OGDH: variants seen among roughly 807,000 people sequenced by gnomAD.
The protein encoded by OGDH is oxoglutarate dehydrogenase, also known as 2-oxoglutarate dehydrogenase complex component E1.
OGDH carries 38 observed loss-of-function variants against 116.6 expected under a neutral mutation model. The ratio of observed to expected loss-of-function variants is 0.33; its 90% CI spans 0.25 to 0.43. The LOEUF (loss-of-function observed/expected upper bound fraction) is 0.43, where lower values mean the gene tolerates loss of function less well. Among genes scored for constraint, OGDH ranks in the 20% least tolerant of loss-of-function variants. The probability of loss-of-function intolerance (pLI) is 1.00; values close to 1 mark genes in which losing one functional copy is unlikely to be tolerated. For missense variants in OGDH, 825 were observed against 1,357.2 expected, an observed-to-expected ratio of 0.61 and a Z score of 6.16; for synonymous variants, 488 against 533.3, an observed-to-expected ratio of 0.92 and a Z score of 1.17.
In OGDH at chr7:44,643,417, GA is replaced by G. The variant is rs907405104; in HGVS notation, c.223-1901del. On this transcript the variant is annotated intron_variant, in intron 2 of 22. Coordinates refer to ENST00000222673, the MANE Select transcript of OGDH (RefSeq NM_002541.4). ...ATTCTACAAAAAAGAAAAAGGGAAGGAAAAAAAAAGTATTCCACAAAACTCC... is the reference window on the plus strand; with the variant it reads ...ATTCTACAAAAAAGAAAAAGGGAAGGAAAAAAAAGTATTCCACAAAACTCC... Among the ~76,000 whole-genome samples, 53 of 151,286 alleles carry G rather than the reference GA, an allele frequency of 3.5e-4. No homozygotes were observed. The South Asian group carries it at 9.4e-3, about 27-fold the overall frequency.
chr7:44,659,022 AGGT>A (rs1326386547), intron 4 of OGDH, among the ~76,000 whole-genome samples: 2 of 152,046 alleles, frequency 1.3e-5, no homozygotes, highest in African/African-American at 4.8e-5. Flanking sequence ...CTTTTAGTAG[AGGT>A]GGGGGTTTCA....
chr7:44,630,483 G>A (rs977241594), intron 2 of OGDH, among the ~76,000 whole-genome samples: 1 of 152,248 alleles, frequency 6.6e-6, no homozygotes, highest in African/African-American at 2.4e-5. Flanking sequence ...GGCAATGCCA[G>A]TTGGGTGGTT....
chr7:44,659,343 G>T (rs931951323), intron 4 of OGDH, among the ~76,000 whole-genome samples: 48 of 152,214 alleles, frequency 3.2e-4, no homozygotes, highest in African/African-American at 1.1e-3. Context: ...ATTGATGAGG[G>T]ATATTGGTCA....
At chr7:44,699,896 A>G (rs1235537720) in intron 18 of OGDH, among the ~76,000 whole-genome samples, 1 of 152,062 alleles carries the variant, frequency 6.6e-6, no homozygotes, top group Admixed American at 6.6e-5. Flanking sequence ...GAGAGGGGCC[A>G]CACACTTTCA....
At chr7:44,615,554 T>C (rs1438706758) in intron 1 of OGDH, among the ~76,000 whole-genome samples, 1 of 152,220 alleles carries the variant, frequency 6.6e-6, no homozygotes, top group Non-Finnish European at 1.5e-5. Context: ...CCTGTGGAAT[T>C]TGGCCGCAGT....
chr7:44,674,404 T>C lies in OGDH; in HGVS notation c.789-7T>C, dbSNP rs1468631840. ...TGCCCTTCAAGGTGGCTTGGTTCCC[T>C]GTCCAGGTTTGAGGAGTTCCTACAG... On this transcript the variant is annotated splice_polypyrimidine_tract_variant and splice_region_variant and intron_variant, in intron 6 of 22. Transcript: ENST00000222673. 2 of 1,614,046 alleles carry C rather than the reference T, an allele frequency of 1.2e-6. No homozygotes were observed. The highest frequency in any genetic ancestry group is 2.2e-5 in the South Asian group (2 of 91,084).
intron 1 of OGDH, among the ~76,000 whole-genome samples, chr7:44,610,759 A>G (rs1784531683): frequency 6.6e-6 from 1 of 151,846 alleles, no homozygotes. Flanking sequence ...GCCGCGTGCC[A>G]CCACGCCCGG....
intron 1 of OGDH, among the ~76,000 whole-genome samples, chr7:44,619,317 C>T (rs756137076): frequency 6.6e-6 from 1 of 152,138 alleles, no homozygotes; most frequent in Non-Finnish European, 1.5e-5. Context: ...CGATTGACAT[C>T]GGAAGTAGGA....
At chr7:44,698,669 C>T (rs1788694905) in intron 18 of OGDH, among the ~76,000 whole-genome samples, 2 of 151,204 alleles carry the variant, frequency 1.3e-5, no homozygotes, top group African/African-American at 4.9e-5. Flanking sequence ...GGTGAGACCC[C>T]GTCTCTACAA....
At chr7:44,647,394 C>G in intron 3 of OGDH, 1 of 1,311,028 alleles carries the variant, frequency 7.6e-7, no homozygotes, top group Non-Finnish European at 1.1e-6. Context: ...TTAACCCTCC[C>G]CACAGCTCAC....
At chr7:44,632,752 G>A (rs1035648052) in intron 2 of OGDH, among the ~76,000 whole-genome samples, 1 of 151,996 alleles carries the variant, frequency 6.6e-6, no homozygotes, top group Admixed American at 6.5e-5. Flanking sequence ...CCAAGTAGCT[G>A]GGACCATAGG....
intron 10 of OGDH, among the ~76,000 whole-genome samples, chr7:44,689,392 C>CTTTTTTTTTTTTTTTT (rs561058807): frequency 1.5e-4 from 11 of 71,218 alleles, no homozygotes; most frequent in Non-Finnish European, 1.9e-4. Flanking sequence ...ATTTTTTTTT[C>CTTTTTTTTTTTTTTTT]TTTTTTTTTT....
chr7:44,691,878 G>C (rs1364878052), intron 10 of OGDH, among the ~76,000 whole-genome samples: 1 of 151,070 alleles, frequency 6.6e-6, no homozygotes, highest in Non-Finnish European at 1.5e-5. Flanking sequence ...AGCTACGCAG[G>C]AGGCTGAGGC....
intron 9 of OGDH, among the ~76,000 whole-genome samples, chr7:44,677,224 CT>C (rs1211813073): frequency 6.6e-6 from 1 of 152,134 alleles, no homozygotes; most frequent in Non-Finnish European, 1.5e-5. Flanking sequence ...GGCATCACCA[CT>C]TTTCTCTCCA....
At chr7:44,621,402 A>G (rs1466528375) in intron 1 of OGDH, among the ~76,000 whole-genome samples, 2 of 152,164 alleles carry the variant, frequency 1.3e-5, no homozygotes, top group African/African-American at 4.8e-5. Flanking sequence ...CGTTTTATGT[A>G]AGAGAGAAAG....
At chr7:44,611,587 T>C (rs919581185) in intron 1 of OGDH, among the ~76,000 whole-genome samples, 6 of 151,892 alleles carry the variant, frequency 4.0e-5, no homozygotes, top group South Asian at 4.2e-4. Flanking sequence ...AATTTTTGTA[T>C]TTTTTGTAGG....
Position 44,674,654 on chromosome 7 carries a change from C to T in OGDH, c.935+97C>T, listed in dbSNP as rs1787610523. The T allele has an allele frequency of 2.9e-6, 4 of 1,361,854 alleles. No individual in the cohort carries two copies. The South Asian group carries it at 3.9e-5, about 13-fold the overall frequency. The allele number at this position is 1,361,854 out of a possible 1,614,324, so 84.4% of individuals were successfully genotyped here. On this transcript the variant is annotated intron_variant, in intron 7 of 22. Coordinates refer to ENST00000222673, the MANE Select transcript of OGDH (RefSeq NM_002541.4). ...GCACTGAGAGAGCAGCTGTTTCCTC[C>T]TTGAGTGCCAGTTGTGAGTCTGGGC... is the stretch of plus-strand genomic sequence containing the variant.
At chr7:44,649,253 T>G (rs1184237176) in intron 4 of OGDH, among the ~76,000 whole-genome samples, 1 of 146,112 alleles carries the variant, frequency 6.8e-6, no homozygotes, top group Non-Finnish European at 1.5e-5. Flanking sequence ...TTGTTTTTTT[T>G]TTTTTTTTTT....
chr7:44,645,169 G>A (rs565419813), intron 2 of OGDH, among the ~76,000 whole-genome samples, 158 bp from the exon 3 acceptor site: 25 of 152,178 alleles, frequency 1.6e-4, no homozygotes, highest in East Asian at 3.8e-4. Context: ...GAAACCCACC[G>A]TTTGGGAACA....
Sources: gnomAD v4.1 joint callset for allele counts (sites outside exome capture counted in the v4.1 genomes callset) on GRCh38, gnomAD v4.1.1 for gene constraint, MANE v1.5 for transcripts, NCBI Gene and HGNC (gene_info 2026-07-23, HGNC 2026-07-21) for gene names.